ADGRL3: variants seen among roughly 807,000 people sequenced by gnomAD.
The protein encoded by ADGRL3 is calcium-independent alpha-latrotoxin receptor 3.
In ADGRL3, 62 loss-of-function variants were observed where a neutral mutation model predicts 153.5. That is an observed-to-expected ratio of 0.40 (90% confidence interval 0.33 to 0.50). The LOEUF (loss-of-function observed/expected upper bound fraction) is 0.50, where lower values mean the gene tolerates loss of function less well. Among genes scored for constraint, ADGRL3 ranks in the 20% least tolerant of loss-of-function variants. The probability of loss-of-function intolerance (pLI) is 0.47; values close to 1 mark genes in which losing one functional copy is unlikely to be tolerated. For synonymous variants in ADGRL3, 710 were observed against 672.5 expected, an observed-to-expected ratio of 1.06 and a Z score of -0.86; for missense variants, 1,641 against 1,859.4, an observed-to-expected ratio of 0.88 and a Z score of 2.16.
rs145417627 is a variant in ADGRL3 at position 61,861,586 on chromosome 4, C to T, written c.1481-31070C>T. Among the ~76,000 whole-genome samples the T allele has an allele frequency of 2.1e-3, 313 of 151,976 alleles. 1 individual carries two copies. The highest frequency in any genetic ancestry group is 6.7e-3 in the African/African-American group (278 of 41,486). ...ATTACCTCAAATTTGGTGGCATAAA[C>T]TATCATTTTATACTGCTCATGACAA... On this transcript the variant is annotated intron_variant, in intron 9 of 26. Coordinates refer to ENST00000683033, the MANE Select transcript of ADGRL3 (RefSeq NM_001387552.1).
chr4:61,912,842 T>C (rs1398263769), intron 13 of ADGRL3, 85 bp downstream of exon 13: 2 of 1,244,614 alleles, frequency 1.6e-6, no homozygotes, highest in African/African-American at 1.5e-5. Flanking sequence ...AGAAAAATGA[T>C]AATGTACCTT....
intron 13 of ADGRL3, among the ~76,000 whole-genome samples, chr4:61,917,557 AT>A: frequency 6.6e-6 from 1 of 152,280 alleles, no homozygotes; most frequent in African/African-American, 2.4e-5. Context: ...AGACAGTACT[AT>A]TTTCCACCAG....
At chr4:61,362,133 G>A (rs1471714807) in intron 1 of ADGRL3, among the ~76,000 whole-genome samples, 1 of 151,050 alleles carries the variant, frequency 6.6e-6, no homozygotes, top group Non-Finnish European at 1.5e-5. Context: ...CTCCCGAGTA[G>A]CTGGGACTAC....
At chr4:61,254,722 G>A (rs975043449) in intron 1 of ADGRL3, among the ~76,000 whole-genome samples, 12 of 152,094 alleles carry the variant, frequency 7.9e-5, no homozygotes, top group Non-Finnish European at 1.0e-4. Flanking sequence ...TTAAGTTCCC[G>A]AACAAATTTT....
intron 5 of ADGRL3, among the ~76,000 whole-genome samples, chr4:61,667,500 G>C (rs2094840866): frequency 6.6e-6 from 1 of 152,006 alleles, no homozygotes; most frequent in Non-Finnish European, 1.5e-5. Flanking sequence ...CTTTTCATTT[G>C]TTTCTAGAAA....
chr4:62,034,856 T>C (rs777451888), intron 23 of ADGRL3, among the ~76,000 whole-genome samples: 7 of 151,876 alleles, frequency 4.6e-5, no homozygotes, highest in Non-Finnish European at 1.0e-4. Flanking sequence ...ATATTTGATA[T>C]ATTCCCAGAG....
chr4:61,378,723 A>G (rs2096633715), intron 1 of ADGRL3, among the ~76,000 whole-genome samples: 1 of 151,940 alleles, frequency 6.6e-6, no homozygotes, highest in African/African-American at 2.4e-5. Context: ...ATTCTTGAAA[A>G]CCAGACTCTG....
chr4:61,584,279 T>C (rs1202339076), intron 4 of ADGRL3, among the ~76,000 whole-genome samples: 2 of 151,992 alleles, frequency 1.3e-5, no homozygotes, highest in East Asian at 3.9e-4. Context: ...AATGCAATTA[T>C]ACATTCAATG....
intron 25 of ADGRL3, among the ~76,000 whole-genome samples, chr4:62,056,238 A>G (rs1736909836): frequency 6.6e-6 from 1 of 151,822 alleles, no homozygotes; most frequent in Non-Finnish European, 1.5e-5. Context: ...ACCTTTCTCC[A>G]TAATGCAATC....
intron 9 of ADGRL3, among the ~76,000 whole-genome samples, chr4:61,868,884 A>G (rs2098418591): frequency 6.6e-6 from 1 of 152,144 alleles, no homozygotes; most frequent in African/African-American, 2.4e-5. Context: ...CAGCGATGCT[A>G]TTAATTGTCC....
intron 9 of ADGRL3, among the ~76,000 whole-genome samples, chr4:61,834,588 G>C (rs187940275): frequency 6.6e-6 from 1 of 152,158 alleles, no homozygotes; most frequent in African/African-American, 2.4e-5. Context: ...TAAGGTGTAG[G>C]CTATGACGAT....
chr4:61,229,029 T>C (rs951298625), intron 1 of ADGRL3, among the ~76,000 whole-genome samples: 9 of 152,166 alleles, frequency 5.9e-5, no homozygotes, highest in African/African-American at 1.9e-4. Flanking sequence ...GAATATGGTA[T>C]CTGGCACATG....
chr4:61,239,033 T>C (rs1181044410), intron 1 of ADGRL3, among the ~76,000 whole-genome samples: 1 of 152,158 alleles, frequency 6.6e-6, no homozygotes, highest in African/African-American at 2.4e-5. Flanking sequence ...GAAAGACATT[T>C]GTGTCTCTGG....
intron 5 of ADGRL3, among the ~76,000 whole-genome samples, chr4:61,611,356 C>T (rs142462442): frequency 2.3e-4 from 35 of 152,184 alleles, no homozygotes; most frequent in Non-Finnish European, 4.9e-4. Flanking sequence ...GTTGTGCTGG[C>T]CTATATAGTT....
rs569435682 is a variant in ADGRL3 at position 61,285,533 on chromosome 4, T to A, written c.-240+83768T>A. 3.3e-5 allele frequency among the ~76,000 whole-genome samples: 5 copies of A among 149,774 alleles called. No individual in the cohort carries two copies. In the South Asian group the frequency reaches 1.1e-3, roughly 32 times the overall value. On this transcript the variant is annotated intron_variant, in intron 1 of 26. Transcript: ENST00000683033. ...GTGTTGCCCCACAGAAATGGGTTAG[T>A]ATCCTCAAAGCTGTCCTGTGCTATT...
At chr4:61,310,981 G>GA (rs918671807) in intron 1 of ADGRL3, among the ~76,000 whole-genome samples, 1 of 151,122 alleles carries the variant, frequency 6.6e-6, no homozygotes, top group Admixed American at 6.6e-5. Flanking sequence ...CTTTGATAGG[G>GA]AAAAAAATGG....
chr4:61,961,926 C>A (rs1035367712), intron 17 of ADGRL3, among the ~76,000 whole-genome samples: 5 of 152,164 alleles, frequency 3.3e-5, no homozygotes, highest in Non-Finnish European at 7.3e-5. Flanking sequence ...AATAAATACT[C>A]ATATACCCCT....
chr4:61,672,175 T>G (rs1160517327), intron 5 of ADGRL3, among the ~76,000 whole-genome samples: 1 of 152,102 alleles, frequency 6.6e-6, no homozygotes, highest in African/African-American at 2.4e-5. Flanking sequence ...TCTAATAGTT[T>G]TATAGTTTTA....
intron 2 of ADGRL3, among the ~76,000 whole-genome samples, chr4:61,453,764 A>C (rs1322646147): frequency 6.6e-6 from 1 of 152,100 alleles, no homozygotes; most frequent in African/African-American, 2.4e-5. Context: ...TGTAATTATA[A>C]TTGTCCATTT....
Sources: allele counts gnomAD v4.1 joint callset (sites outside exome capture counted in the v4.1 genomes callset), GRCh38; gene constraint gnomAD v4.1.1; transcripts MANE v1.5; gene names NCBI Gene and HGNC (gene_info 2026-07-23, HGNC 2026-07-21).